Variants in CUL3 observed in about 807,000 individuals in gnomAD.
The protein encoded by CUL3 is cullin-3.
Under a neutral mutation model 89.1 loss-of-function variants are expected in CUL3, and 19 were observed. That is an observed-to-expected ratio of 0.21 (90% CI 0.15 to 0.31). CUL3 has a LOEUF of 0.31. Ranked by LOEUF, CUL3 falls within the 10% of genes least tolerant of loss-of-function variation. The probability of loss-of-function intolerance (pLI) is 1.00; values close to 1 mark genes in which losing one functional copy is unlikely to be tolerated. For missense variants in CUL3, 469 were observed against 942.3 expected (o/e 0.50, Z 6.58); for synonymous variants, 351 against 308.4 (o/e 1.14, Z -1.45).
At chr2:224,537,511 A>C (rs574821515) in intron 2 of CUL3, among the ~76,000 whole-genome samples, 2 of 152,308 alleles carry the variant, frequency 1.3e-5, no homozygotes, top group East Asian at 3.9e-4. Context: ...ATACAAAATG[A>C]ATAATGTATC....
At chr2:224,549,689 A>G (rs1694437421) in intron 2 of CUL3, among the ~76,000 whole-genome samples, 1 of 152,216 alleles carries the variant, frequency 6.6e-6, no homozygotes, top group Non-Finnish European at 1.5e-5. Context: ...TTGTTACTCT[A>G]CAACAAGCTT....
chr2:224,536,707 T>C (rs1229362337), intron 2 of CUL3, among the ~76,000 whole-genome samples: 3 of 152,106 alleles, frequency 2.0e-5, no homozygotes, highest in Non-Finnish European at 2.9e-5. Flanking sequence ...TAAAAGACTA[T>C]TCAAGACTTC....
intron 13 of CUL3, among the ~76,000 whole-genome samples, chr2:224,482,410 T>C (rs1466630778): frequency 6.6e-6 from 1 of 152,134 alleles, no homozygotes; most frequent in Non-Finnish European, 1.5e-5. Flanking sequence ...AACCAACATA[T>C]AATTGCTAAT....
rs913424704 is a variant in CUL3 at position 224,471,970 on chromosome 2, A to G, written c.*2275T>C. 7 of 231,086 alleles carry G rather than the reference A, an allele frequency of 3.0e-5. No individual in the cohort carries two copies. Among genetic ancestry groups the G allele is most frequent in the African/African-American group, 1.3e-4 (6 of 45,276 alleles). 14.3% of individuals were successfully genotyped at this position (231,086 alleles called of 1,614,324 possible). A position where few individuals can be genotyped will look rare whatever the true frequency, so the allele number is the denominator to read the frequency against. On this transcript the variant is annotated 3_prime_UTR_variant, in exon 16 of 16. Coordinates refer to ENST00000264414, the MANE Select transcript of CUL3 (RefSeq NM_003590.5). ...AAAGCATTAAAAACTGAGAAAAAAT[A>G]GCATCTGTGACCTCTTGCTAAAAAG...
intron 3 of CUL3, among the ~76,000 whole-genome samples, chr2:224,533,321 T>C (rs1693760917): frequency 6.6e-6 from 1 of 152,234 alleles, no homozygotes; most frequent in Non-Finnish European, 1.5e-5. Context: ...GTGGTTTACA[T>C]GAATTGTTCC....
chr2:224,544,136 G>A (rs1038119105), intron 2 of CUL3, among the ~76,000 whole-genome samples: 4 of 152,298 alleles, frequency 2.6e-5, no homozygotes, highest in African/African-American at 9.6e-5. Context: ...CTTTACCTGT[G>A]ATGTGACTAT....
intron 2 of CUL3, among the ~76,000 whole-genome samples, chr2:224,557,250 C>T (rs1292211227): frequency 6.6e-6 from 1 of 151,950 alleles, no homozygotes; most frequent in African/African-American, 2.4e-5. Flanking sequence ...AAAATAAAGT[C>T]AATTTTAGTT....
chr2:224,515,789 G>C (rs1471301678), intron 3 of CUL3, among the ~76,000 whole-genome samples: 4 of 151,536 alleles, frequency 2.6e-5, no homozygotes, highest in East Asian at 1.9e-4. Context: ...TCTTCCTCCT[G>C]GGTTCCAGCA....
intron 14 of CUL3, 90 bp from the exon 15 acceptor site, chr2:224,478,435 T>TA: frequency 1.6e-6 from 2 of 1,279,864 alleles, no homozygotes; most frequent in Non-Finnish European, 2.1e-6. Flanking sequence ...AATCCACAGA[T>TA]AAAAACCAAT....
intron 2 of CUL3, among the ~76,000 whole-genome samples, chr2:224,545,124 A>C (rs1158792387): frequency 6.6e-6 from 1 of 152,180 alleles, no homozygotes; most frequent in African/African-American, 2.4e-5. Flanking sequence ...AGATTTCTGT[A>C]TCTCAAACAA....
intron 15 of CUL3, 124 bp from the exon 16 acceptor site, chr2:224,474,500 A>T: frequency 1.3e-6 from 1 of 763,230 alleles, no homozygotes; most frequent in Middle Eastern, 3.2e-4. Context: ...CAAAGATAAA[A>T]GCACAGAAAC....
At chr2:224,548,810 C>G (rs1694399750) in intron 2 of CUL3, among the ~76,000 whole-genome samples, 1 of 151,408 alleles carries the variant, frequency 6.6e-6, no homozygotes, top group South Asian at 2.1e-4. Flanking sequence ...CCAGCCTGGG[C>G]AACATGGTGG....
At chr2:224,480,891 G>GGCTAATGCAGATTACTATGATACAGTTT (rs1316738777) in intron 14 of CUL3, among the ~76,000 whole-genome samples, 1 of 151,942 alleles carries the variant, frequency 6.6e-6, no homozygotes, top group African/African-American at 2.4e-5. Context: ...GGCCAATCTT[G>GGCTAATGCAGATTACTATGATACAGTTT]GCTAATGCAG....
At chr2:224,535,834 G>T (rs1021671439) in intron 2 of CUL3, among the ~76,000 whole-genome samples, 193 bp from the exon 3 acceptor site, 7 of 152,148 alleles carry the variant, frequency 4.6e-5, no homozygotes, top group Admixed American at 2.0e-4. Flanking sequence ...GTATAGTACA[G>T]ACTCCTCTTC....
rs936091656 is a variant in CUL3 at position 224,579,242 on chromosome 2, TTAAGTA to T, written c.66+5696_66+5701del. On this transcript the variant is annotated intron_variant, in intron 1 of 15. Coordinates refer to ENST00000264414, the MANE Select transcript of CUL3 (RefSeq NM_003590.5). ...TCCCAAAACTATAAACAGTATTAGT[TTAAGTA>T]TAAGTAACACTTTAATGAATCTGTT... is the stretch of plus-strand genomic sequence containing the variant. Among the ~76,000 whole-genome samples, 79 of 152,312 alleles carry T rather than the reference TTAAGTA, an allele frequency of 5.2e-4. 2 individuals carry two copies. The highest frequency in any genetic ancestry group is 1.6e-3 in the African/African-American group (65 of 41,572).
chr2:224,557,225 C>G (rs1339176652), intron 2 of CUL3, among the ~76,000 whole-genome samples: 1 of 151,914 alleles, frequency 6.6e-6, no homozygotes, highest in African/African-American at 2.4e-5. Context: ...TTCAAATGTA[C>G]CACAGAACTC....
intron 10 of CUL3, among the ~76,000 whole-genome samples, chr2:224,501,838 A>C (rs1692402247): frequency 6.6e-6 from 1 of 152,208 alleles, no homozygotes; most frequent in African/African-American, 2.4e-5. Flanking sequence ...TCTTCCCTAT[A>C]GCTTTCAATG....
chr2:224,556,069 T>C (rs1367865364), intron 2 of CUL3, among the ~76,000 whole-genome samples: 1 of 152,148 alleles, frequency 6.6e-6, no homozygotes, highest in African/African-American at 2.4e-5. Context: ...CATAAGATAC[T>C]AACTGCGTGG....
At chr2:224,478,072 A>G in intron 15 of CUL3, 128 bp downstream of exon 15, 1 of 905,110 alleles carries the variant, frequency 1.1e-6, no homozygotes, top group Non-Finnish European at 1.6e-6. Flanking sequence ...AGTGCCATAC[A>G]TTTCATAAGT....
Sources: gnomAD v4.1 joint callset for allele counts (sites outside exome capture counted in the v4.1 genomes callset) on GRCh38, gnomAD v4.1.1 for gene constraint, MANE v1.5 for transcripts, NCBI Gene and HGNC (gene_info 2026-07-23, HGNC 2026-07-21) for gene names.